Variants in TUSC3 observed in about 807,000 individuals in gnomAD.
TUSC3 encodes tumor suppressor candidate 3.
TUSC3 carries 45 observed loss-of-function variants against 44.8 expected under a neutral mutation model. The ratio of observed to expected loss-of-function variants is 1.00; its 90% CI spans 0.79 to 1.29. TUSC3 has a LOEUF of 1.29. Among genes scored for constraint, TUSC3 ranks in the 50% most tolerant of loss-of-function variants. The pLI is 0.00. For missense variants in TUSC3, 519 were observed against 437.9 expected (o/e 1.19, Z -1.65); for synonymous variants, 212 against 152.9 (o/e 1.39, Z -2.85).
chr8:15,548,387 T>C (rs964414721), intron 1 of TUSC3, among the ~76,000 whole-genome samples: 16 of 151,904 alleles, frequency 1.1e-4, no homozygotes, highest in African/African-American at 3.4e-4. Context: ...GAAGTGAGTA[T>C]ATGATACAGT....
chr8:15,433,021 A>T (rs779811096), intron 1 of TUSC3, among the ~76,000 whole-genome samples: 2 of 152,164 alleles, frequency 1.3e-5, no homozygotes, highest in East Asian at 3.9e-4. Context: ...TTCTTCTGCA[A>T]TTCCCTTAGA....
In TUSC3 at chr8:15,763,808, A is replaced by C. The variant is rs370895403; in HGVS notation, c.*47-395A>C. 1.0e-3 allele frequency among the ~76,000 whole-genome samples: 156 copies of C among 152,184 alleles called. 2 individuals carry two copies. Among genetic ancestry groups the C allele is most frequent in the Admixed American group, 2.0e-3 (30 of 15,252 alleles). On this transcript the variant is annotated intron_variant, in intron 10 of 10. Coordinates refer to ENST00000503731, the MANE Select transcript of TUSC3 (RefSeq NM_006765.4). Reference sequence around the variant, plus strand: ...ACAAAAGACCAAGTGATTAAATTATACGGTTAGAGAAAAAATATTTTTAGG... The same window carrying C: ...ACAAAAGACCAAGTGATTAAATTATCCGGTTAGAGAAAAAATATTTTTAGG...
intron 1 of TUSC3, among the ~76,000 whole-genome samples, chr8:15,445,209 G>T (rs1234987889): frequency 6.6e-6 from 1 of 152,168 alleles, no homozygotes; most frequent in Non-Finnish European, 1.5e-5. Flanking sequence ...AAGAATGACA[G>T]CCAAGTTTAG....
chr8:15,507,330 T>C (rs1030173050), intron 2 of TUSC3, among the ~76,000 whole-genome samples: 1 of 152,236 alleles, frequency 6.6e-6, no homozygotes, highest in Admixed American at 6.5e-5. Flanking sequence ...TTACTTATTA[T>C]TATTTTTTCA....
intron 1 of TUSC3, among the ~76,000 whole-genome samples, chr8:15,571,930 AT>A (rs1420876239): frequency 2.0e-5 from 3 of 152,120 alleles, no homozygotes; most frequent in Non-Finnish European, 2.9e-5. Context: ...TGCTTTAAAC[AT>A]AGGTGCTGTT....
the TUSC3 span, among the ~76,000 whole-genome samples, chr8:15,827,337 G>C: frequency 6.6e-6 from 1 of 152,148 alleles, no homozygotes; most frequent in African/African-American, 2.4e-5. Flanking sequence ...CTCAAATTAT[G>C]TTCTACTGAA....
chr8:15,767,889 A>G (rs1189335546), downstream of TUSC3, among the ~76,000 whole-genome samples: 1 of 152,186 alleles, frequency 6.6e-6, no homozygotes, highest in Non-Finnish European at 1.5e-5. Flanking sequence ...AAAGCTGGAT[A>G]GTGAAATACT....
intron 1 of TUSC3, among the ~76,000 whole-genome samples, chr8:15,614,153 T>G (rs1284786912): frequency 6.6e-6 from 1 of 152,142 alleles, no homozygotes; most frequent in African/African-American, 2.4e-5. Flanking sequence ...GAGAACTAAG[T>G]ATTTTCTCTG....
At chr8:15,537,548 A>C (rs1425653371), upstream of TUSC3, among the ~76,000 whole-genome samples, 2 of 152,186 alleles carry the variant, frequency 1.3e-5, no homozygotes, top group East Asian at 3.9e-4. Context: ...CATCAACCTA[A>C]GTCAGGGAAG....
Position 15,427,828 on chromosome 8 carries a change from C to T in TUSC3, n.91+10523C>T, listed in dbSNP as rs541719567. ...GTCATACTCAAAAAATCTTTGACAA[C>T]ACCAATGTCAAGAAGCTTTTCCCCT... On this transcript the variant is annotated intron_variant and non_coding_transcript_variant, in intron 1 of 5. Transcript: ENST00000503191. 7.9e-5 allele frequency among the ~76,000 whole-genome samples: 12 copies of T among 152,280 alleles called. No individual in the cohort carries two copies. In the East Asian group the frequency reaches 1.4e-3, roughly 17 times the overall value.
chr8:15,790,076 C>T, the TUSC3 span, among the ~76,000 whole-genome samples: 3 of 150,918 alleles, frequency 2.0e-5, no homozygotes, highest in Non-Finnish European at 2.9e-5. Context: ...TAATTATTTG[C>T]AAGTTAAGGG....
Position 15,465,025 on chromosome 8 carries a change from T to C in TUSC3, n.92-18361T>C, listed in dbSNP as rs370716437. ...CCACCATGCCCAGCTAATTTTTGTA[T>C]TTTTAGTAGAGACAGAGTTTCACTA... On this transcript the variant is annotated intron_variant and non_coding_transcript_variant, in intron 1 of 5. Transcript: ENST00000503191. 3.4e-3 allele frequency among the ~76,000 whole-genome samples: 512 copies of C among 152,218 alleles called. 3 individuals carry two copies. The highest frequency in any genetic ancestry group is 0.012 in the African/African-American group (495 of 41,548).
chr8:15,806,475 A>T, the TUSC3 span: 7 of 888,750 alleles, frequency 7.9e-6, no homozygotes, highest in South Asian at 1.3e-5. Context: ...TTATGCAAAC[A>T]GGTGTCGACT....
intron 1 of TUSC3, among the ~76,000 whole-genome samples, chr8:15,607,549 A>G (rs1028702235): frequency 6.6e-6 from 1 of 152,192 alleles, no homozygotes; most frequent in Non-Finnish European, 1.5e-5. Flanking sequence ...CTTCTCCTCT[A>G]ACATTTCATT....
intron 2 of TUSC3, among the ~76,000 whole-genome samples, chr8:15,502,271 T>G (rs1473535477): frequency 6.6e-6 from 1 of 152,236 alleles, no homozygotes; most frequent in Non-Finnish European, 1.5e-5. Context: ...TATTCTTATT[T>G]TTTCCCAAAT....
chr8:15,714,979 T>G (rs917355947), intron 6 of TUSC3, among the ~76,000 whole-genome samples: 1 of 152,192 alleles, frequency 6.6e-6, no homozygotes, highest in South Asian at 2.1e-4. Flanking sequence ...CAGCATGAAA[T>G]TGCATATTAT....
chr8:15,639,501 G>T (rs916174193), intron 2 of TUSC3, among the ~76,000 whole-genome samples: 8 of 152,220 alleles, frequency 5.3e-5, no homozygotes, highest in African/African-American at 1.9e-4. Flanking sequence ...ATTTATATAG[G>T]TTATAACTGA....
chr8:15,757,404 C>T (rs73665500), intron 9 of TUSC3, among the ~76,000 whole-genome samples: 5,105 of 152,210 alleles, frequency 0.034, 278 homozygotes, highest in African/African-American at 0.12. Context: ...TGAACAAGTA[C>T]AGCAAGGCAA....
Position 15,419,210 on chromosome 8 carries a change from G to A in TUSC3, n.91+1905G>A, listed in dbSNP as rs111435249. ...GGGAGAAAAAAGTCTTCTGTTCCAC[G>A]ATAAAAGATTTGGCAAGAATAGAGA... On this transcript the variant is annotated intron_variant and non_coding_transcript_variant, in intron 1 of 5. Transcript: ENST00000503191. Among the ~76,000 whole-genome samples, 321 of 152,192 alleles carry A rather than the reference G, an allele frequency of 2.1e-3. 3 individuals carry two copies. The highest frequency in any genetic ancestry group is 7.0e-3 in the African/African-American group (290 of 41,544).
Sources: allele counts gnomAD v4.1 joint callset (sites outside exome capture counted in the v4.1 genomes callset), GRCh38; gene constraint gnomAD v4.1.1; transcripts MANE v1.5; gene names NCBI Gene and HGNC (gene_info 2026-07-23, HGNC 2026-07-21).